Variants in ABL1 observed in about 807,000 individuals in gnomAD.
ABL1 encodes the protein ABL proto-oncogene 1, non-receptor tyrosine kinase, also known as tyrosine-protein kinase ABL1.
A neutral mutation model predicts 94.7 loss-of-function variants in ABL1; 11 were observed. That is an observed-to-expected ratio of 0.12 (90% confidence interval 0.07 to 0.19). ABL1 has a LOEUF of 0.19. ABL1 is among the 10% of genes least tolerant of loss of function. ABL1 has a pLI of 1.00. For missense variants in ABL1, 1,082 were observed against 1,489.4 expected (o/e 0.73, Z 4.50); for synonymous variants, 656 against 622.4 (o/e 1.05, Z -0.80).
rs1831571550 is a variant in ABL1 at position 130,885,808 on chromosome 9, CCAGG to C, written c.*129_*132del. 1 of 1,292,020 alleles carries C rather than the reference CCAGG, an allele frequency of 7.7e-7. No homozygotes were observed. The highest frequency in any genetic ancestry group is 1.0e-6 in the Non-Finnish European group (1 of 961,222). 80.0% of individuals were successfully genotyped at this position (1,292,020 alleles called of 1,614,324 possible). A position where few individuals can be genotyped will look rare whatever the true frequency, so the allele number is the denominator to read the frequency against. ...AGCACCTTGGCCCAGGAGCTCTGCG[CCAGG>C]CAGAGCTGAGGGCCCTGTGGAGTCC... On this transcript the variant is annotated 3_prime_UTR_variant, in exon 11 of 11. Transcript: ENST00000318560.
exon 1 of ABL1, chr9:130,713,831 C>T: frequency 9.0e-6 from 2 of 221,292 alleles, no homozygotes; most frequent in Non-Finnish European, 1.8e-5. Flanking sequence ...GCGAGAGCGG[C>T]CACTAGTTCG....
intron 7 of ABL1, 131 bp downstream of exon 7, chr9:130,875,183 C>A (rs1266169758): frequency 1.9e-6 from 2 of 1,052,160 alleles, no homozygotes; most frequent in Non-Finnish European, 2.7e-6. Context: ...ACTCTGTCAC[C>A]CAGGCTGGAG....
At chr9:130,720,630 A>C (rs954546439) in intron 1 of ABL1, among the ~76,000 whole-genome samples, 1 of 152,124 alleles carries the variant, frequency 6.6e-6, no homozygotes, top group African/African-American at 2.4e-5. Context: ...GGCCTTGGAG[A>C]ATTTTCCGAG....
intron 1 of ABL1, among the ~76,000 whole-genome samples, chr9:130,839,522 G>A (rs1162651006): frequency 6.6e-6 from 1 of 152,192 alleles, no homozygotes; most frequent in Non-Finnish European, 1.5e-5. Context: ...CTGGCACTGA[G>A]CACATCATGT....
At chr9:130,717,569 C>T (rs1297449748) in intron 1 of ABL1, among the ~76,000 whole-genome samples, 1 of 151,354 alleles carries the variant, frequency 6.6e-6, no homozygotes, top group East Asian at 1.9e-4. Flanking sequence ...CAAGCTCCCA[C>T]TGGAGCCAAA....
chr9:130,830,585 A>G (rs1830482768), upstream of ABL1, among the ~76,000 whole-genome samples: 1 of 152,200 alleles, frequency 6.6e-6, no homozygotes, highest in African/African-American at 2.4e-5. Context: ...TGCTTTCTGG[A>G]ATCATTTTCA....
At chr9:130,850,189 T>A (rs1041453572) in intron 1 of ABL1, among the ~76,000 whole-genome samples, 1 of 152,246 alleles carries the variant, frequency 6.6e-6, no homozygotes, top group Non-Finnish European at 1.5e-5. Flanking sequence ...TTGTAATTAC[T>A]TGGTTGATAT....
chr9:130,880,363 CCGG>C lies in ABL1; in HGVS notation c.1514-136_1514-134del. 1 of 1,152,376 alleles carries C rather than the reference CCGG, an allele frequency of 8.7e-7. No individual in the cohort carries two copies. Among genetic ancestry groups the C allele is most frequent in the East Asian group, 2.5e-5 (1 of 40,728 alleles). The allele number at this position is 1,152,376 out of a possible 1,614,324, so 71.4% of individuals were successfully genotyped here. A position where few individuals can be genotyped will look rare whatever the true frequency, so the allele number is the denominator to read the frequency against. ...CTAAGAAATGCTAAGGGCTGTTTCT[CCGG>C]TATCCACGTGCCTTTTCTTTAGTTG... On this transcript the variant is annotated intron_variant, in intron 9 of 10. Coordinates refer to ENST00000318560, the MANE Select transcript of ABL1 (RefSeq NM_005157.6). The surrounding 1 kb of genome is among the most constrained non-coding windows in gnomAD (Gnocchi z 4.4).
intron 1 of ABL1, among the ~76,000 whole-genome samples, chr9:130,745,735 T>G (rs1260260608): frequency 6.6e-6 from 1 of 152,046 alleles, no homozygotes; most frequent in Non-Finnish European, 1.5e-5. Context: ...AATCTGACAT[T>G]TTTTTAATCT....
At chr9:130,801,356 C>G (rs1353075588) in intron 1 of ABL1, among the ~76,000 whole-genome samples, 2 of 151,798 alleles carry the variant, frequency 1.3e-5, no homozygotes, top group Non-Finnish European at 2.9e-5. Flanking sequence ...GCCTCCCGAG[C>G]AGCTGGGACT....
intron 1 of ABL1, among the ~76,000 whole-genome samples, chr9:130,838,658 T>C (rs1471555589): frequency 6.6e-6 from 1 of 152,222 alleles, no homozygotes; most frequent in Non-Finnish European, 1.5e-5. Context: ...AGGACCGCAT[T>C]TAGCTTTGCA....
intron 1 of ABL1, among the ~76,000 whole-genome samples, chr9:130,788,762 G>A (rs1293841571): frequency 6.6e-6 from 1 of 152,146 alleles, no homozygotes; most frequent in African/African-American, 2.4e-5. Context: ...TTCAGTTTCA[G>A]TTTGTTTGAT....
At chr9:130,779,719 G>A (rs1829731504) in intron 1 of ABL1, among the ~76,000 whole-genome samples, 1 of 152,144 alleles carries the variant, frequency 6.6e-6, no homozygotes, top group Non-Finnish European at 1.5e-5. Flanking sequence ...TATAAGTAAC[G>A]TGTTATGTGG....
intron 1 of ABL1, among the ~76,000 whole-genome samples, chr9:130,775,574 G>T (rs1343472378): frequency 6.6e-6 from 1 of 151,986 alleles, no homozygotes; most frequent in Non-Finnish European, 1.5e-5. Context: ...TATACAAAAC[G>T]CAGCATAGAG....
At chr9:130,825,091 T>G (rs988799089) in intron 1 of ABL1, among the ~76,000 whole-genome samples, 2 of 152,198 alleles carry the variant, frequency 1.3e-5, no homozygotes, top group Non-Finnish European at 2.9e-5. Flanking sequence ...CCAAGAACTT[T>G]GCTGTCATGG....
intron 8 of ABL1, 80 bp from the exon 9 acceptor site, chr9:130,879,988 A>G: frequency 7.5e-7 from 1 of 1,337,646 alleles, no homozygotes; most frequent in Non-Finnish European, 1.1e-6. Context: ...CTTTCATTCT[A>G]GACTTTTCCT....
At chr9:130,752,885 C>T (rs531011529) in intron 1 of ABL1, among the ~76,000 whole-genome samples, 55 of 150,244 alleles carry the variant, frequency 3.7e-4, no homozygotes, top group African/African-American at 1.3e-3. Flanking sequence ...CTTGAACCCG[C>T]GAGGCGGAGG....
chr9:130,766,661 C>T (rs2132759946), intron 1 of ABL1, among the ~76,000 whole-genome samples: 1 of 152,286 alleles, frequency 6.6e-6, no homozygotes, highest in Non-Finnish European at 1.5e-5. Flanking sequence ...TAGCTTTCAT[C>T]CTTGCCTCCT....
rs781265849 is a variant in ABL1 at position 130,872,168 on chromosome 9, G to A, written c.862G>A (p.Ala288Thr). Residue 288 changes from alanine (A) to threonine (T), a missense_variant, in exon 5 of 11, where the codon GCA becomes ACA. Coordinates refer to ENST00000318560, the MANE Select transcript of ABL1 (RefSeq NM_005157.6). This position sits in a 1 kb window ranked among gnomAD's most constrained non-coding sequence, Gnocchi z 5.0. The part of the protein sequence containing the change: ...MEVEEFLKEA[A>T]VMKEIKHPNL... ...GGTGGAAGAGTTCTTGAAAGAAGCT[G>A]CAGTCATGAAAGAGATCAAACACCC... 3.1e-6 allele frequency: 5 copies of A among 1,614,218 alleles called. No individual in the cohort carries two copies. The South Asian group carries it at 4.4e-5, about 14-fold the overall frequency.
Sources: allele counts gnomAD v4.1 joint callset (sites outside exome capture counted in the v4.1 genomes callset), GRCh38; gene constraint gnomAD v4.1.1; non-coding constraint Gnocchi (gnomAD v3.1); transcripts MANE v1.5; gene names NCBI Gene and HGNC (gene_info 2026-07-23, HGNC 2026-07-21).